DRC7: variants seen among roughly 807,000 people sequenced by gnomAD.
DRC7 encodes dynein regulatory complex subunit 7.
DRC7 carries 80 observed loss-of-function variants against 104.4 expected under a neutral mutation model. The observed-to-expected ratio is 0.77, with a 90% CI of 0.64 to 0.92. The LOEUF (loss-of-function observed/expected upper bound fraction) is 0.92. DRC7 is among the 40% of genes least tolerant of loss of function. The pLI, the probability that DRC7 is intolerant of heterozygous loss-of-function variation, is 0.00. For missense variants in DRC7, 1,034 were observed against 1,141.1 expected, an observed-to-expected ratio of 0.91 and a Z score of 1.35; for synonymous variants, 405 against 447.3, an observed-to-expected ratio of 0.91 and a Z score of 1.19.
Position 57,715,182 on chromosome 16 carries a change from G to A in DRC7, c.1078-3165G>A, listed in dbSNP as rs186059169. ...CTCACCTCAGCCTCCTGAGTAGCTG[G>A]GATTACAGGCATGCACTACCACAAG... On this transcript the variant is annotated intron_variant, in intron 8 of 18. Transcript: ENST00000360716. Among the ~76,000 whole-genome samples the A allele has an allele frequency of 3.1e-3, 477 of 152,186 alleles. 5 individuals carry two copies. The highest frequency in any genetic ancestry group is 4.3e-3 in the Non-Finnish European group (290 of 68,006).
chr16:57,709,033 G>C (rs1362913169), intron 8 of DRC7, among the ~76,000 whole-genome samples: 6 of 151,742 alleles, frequency 4.0e-5, no homozygotes, highest in Non-Finnish European at 5.9e-5. Flanking sequence ...GGAGGCTGAG[G>C]CAGAAGAATT....
intron 7 of DRC7, 33 bp downstream of exon 7, chr16:57,705,067 G>C: frequency 6.2e-7 from 1 of 1,603,188 alleles, no homozygotes; most frequent in Non-Finnish European, 8.5e-7. Context: ...CCTGGGCTCA[G>C]CTATCGAGAA....
At chr16:57,730,456 C>T (rs1029402243) in intron 17 of DRC7, among the ~76,000 whole-genome samples, 2 of 151,874 alleles carry the variant, frequency 1.3e-5, no homozygotes, top group Non-Finnish European at 2.9e-5. Flanking sequence ...AATAGATGGG[C>T]AGATGGCTGG....
intron 7 of DRC7, 113 bp downstream of exon 7, chr16:57,705,147 T>A (rs555033029): frequency 1.5e-5 from 18 of 1,217,576 alleles, no homozygotes; most frequent in Non-Finnish European, 1.9e-5. Flanking sequence ...CCCAACTAGG[T>A]CCACCTCACA....
chr16:57,727,846 T>A (rs762452583), intron 16 of DRC7, among the ~76,000 whole-genome samples: 5 of 152,192 alleles, frequency 3.3e-5, no homozygotes, highest in Non-Finnish European at 7.3e-5. Flanking sequence ...CTGAATCCCT[T>A]TCACCAACCA....
At chr16:57,730,287 G>A (rs2049045913) in intron 17 of DRC7, among the ~76,000 whole-genome samples, 1 of 139,520 alleles carries the variant, frequency 7.2e-6, no homozygotes, top group Admixed American at 7.1e-5. Context: ...ATGAGTGGGT[G>A]GGTGGATGGG....
rs752330277 is a variant in DRC7 at position 57,702,095 on chromosome 16, C to T, written c.664C>T (p.Arg222Trp). The T allele has an allele frequency of 2.0e-5, 33 of 1,614,018 alleles. No homozygotes were observed. In the East Asian group the frequency reaches 2.9e-4, roughly 14 times the overall value. ...SLDLCHMDLT[R>W]EVCPLTVKPK... ...GGACCTGTGCCACATGGACCTGACG[C>T]GGGAGGTGTGCCCACTCACTGTGAA... The change falls in exon 6 of 19, where the codon CGG becomes TGG. Residue 222 changes from arginine (R) to tryptophan (W), a missense_variant. By Grantham distance (101) the Arg-to-Trp change is moderately radical. Transcript: ENST00000360716.
rs751742301 is a variant in DRC7 at position 57,723,115 on chromosome 16, C to A, written c.1522C>A (p.Pro508Thr). The A allele has an allele frequency of 6.2e-7, 1 of 1,613,728 alleles. No homozygotes were observed. Among genetic ancestry groups the A allele is most frequent in the Non-Finnish European group, 8.5e-7 (1 of 1,179,972 alleles). The change falls in exon 12 of 19, where the codon CCC becomes ACC. Residue 508 changes from proline to threonine, a missense_variant. Transcript: ENST00000360716. ...LKTDYFKPGHPQALRVHSYKS... is the reference protein window; with the variant it reads ...LKTDYFKPGHTQALRVHSYKS... The stretch of plus-strand genomic sequence containing the variant: ...GACAGACTACTTCAAGCCTGGCCAC[C>A]CCCAGGCTCTGCGCGGTGCGTGGCT...
chr16:57,701,839 T>C, intron 5 of DRC7, 97 bp from the exon 6 acceptor site: 1 of 1,110,700 alleles, frequency 9.0e-7, no homozygotes, highest in Non-Finnish European at 1.3e-6. Context: ...GCATTGGTCC[T>C]GGCTCCCCAC....
intron 6 of DRC7, 22 bp downstream of exon 6, chr16:57,702,152 C>G (rs1021211260): frequency 6.2e-7 from 1 of 1,611,480 alleles, no homozygotes; most frequent in Non-Finnish European, 8.5e-7. Context: ...CTTGAGCTGC[C>G]CGGGTTTCCC....
chr16:57,722,962 G>A (rs776484638), intron 11 of DRC7, 40 bp from the exon 12 acceptor site: 1 of 1,613,508 alleles, frequency 6.2e-7, no homozygotes, highest in African/African-American at 1.3e-5. Context: ...AAGGCTAGGG[G>A]AGCTGGCCTG....
In DRC7 at chr16:57,705,015, A is replaced by G. The variant is rs539625603; in HGVS notation, c.839A>G (p.Glu280Gly). Residue 280 changes from glutamate to glycine, a missense_variant, in exon 7 of 19, where the codon GAG becomes GGG. By Grantham distance (98) the Glu-to-Gly change is moderately conservative (BLOSUM62 -2). Coordinates refer to ENST00000360716, the MANE Select transcript of DRC7 (RefSeq NM_001289162.2). ...GCCCAGGAGAAGAAGCGGCTGAGGG[A>G]GGAGGAGGAGCGCCTCATGGTGGGT... Reference protein sequence around the residue: ...IRAQEKKRLREEEERLMEAEK... With the variant: ...IRAQEKKRLRGEEERLMEAEK... 32 of 1,612,144 alleles carry G rather than the reference A, an allele frequency of 2.0e-5. No homozygotes were observed. The East Asian group carries it at 6.9e-4, about 35-fold the overall frequency.
At chr16:57,708,066 A>G (rs1180569142) in intron 8 of DRC7, among the ~76,000 whole-genome samples, 4 of 152,206 alleles carry the variant, frequency 2.6e-5, no homozygotes, top group African/African-American at 9.7e-5. Flanking sequence ...CAAACCCCAC[A>G]AAGTCCCTTT....
chr16:57,724,708 C>T lies in DRC7; in HGVS notation c.1631C>T (p.Thr544Ile), dbSNP rs1430305506. Residue 544 changes from threonine to isoleucine, a missense_variant, in exon 13 of 19, where the codon ACA (threonine) becomes ATA (isoleucine). Thr to Ile is a moderately conservative substitution (Grantham distance 89, BLOSUM62 -1). Transcript: ENST00000360716. ...GATGGCCTGATGAAGCGGGAGGAGA[C>T]ACCCAGGACAATGACAGAGTACTAT... ...RVDGLMKREE[T>I]PRTMTEYYQG... 6.2e-7 allele frequency: 1 copy of T among 1,613,884 alleles called. No homozygotes were observed. The highest frequency in any genetic ancestry group is 8.5e-7 in the Non-Finnish European group (1 of 1,179,984).
chr16:57,704,937 T>G lies in DRC7; in HGVS notation c.761T>G (p.Leu254Arg), dbSNP rs2048695988. ...KKYTIKPPRDLCSRFEQEQEV... is the reference protein window; with the variant it reads ...KKYTIKPPRDRCSRFEQEQEV... ...TATACCATCAAACCCCCCAGGGACC[T>G]GTGCAGCAGGTTTGAGCAGGAGCAA... The change falls in exon 7 of 19, where the codon CTG (leucine) becomes CGG (arginine). Residue 254 changes from leucine (L) to arginine (R), a missense_variant. Physicochemically the swap from Leu to Arg is moderately radical, Grantham distance 102. Coordinates refer to ENST00000360716, the MANE Select transcript of DRC7 (RefSeq NM_001289162.2). 1.2e-6 allele frequency: 2 copies of G among 1,613,832 alleles called. No individual in the cohort carries two copies. The highest frequency in any genetic ancestry group is 1.7e-6 in the Non-Finnish European group (2 of 1,179,942).
In DRC7 at chr16:57,702,117, T is replaced by G. The variant is rs761374241; in HGVS notation, c.686T>G (p.Val229Gly). 5.0e-6 allele frequency: 8 copies of G among 1,614,020 alleles called. No individual in the cohort carries two copies. Among genetic ancestry groups the G allele is most frequent in the Non-Finnish European group, 5.1e-6 (6 of 1,180,028 alleles). The stretch of plus-strand genomic sequence containing the variant: ...ACGCGGGAGGTGTGCCCACTCACTG[T>G]GAAGCCCAAGGAGGTATGGTCGGGC... ...DLTREVCPLT[V>G]KPKETIKKEE... is the part of the protein sequence containing the mutation. Residue 229 changes from valine (V) to glycine (G), a missense_variant, in exon 6 of 19, where the codon GTG (valine) becomes GGG (glycine). Physicochemically the swap from Val to Gly is moderately radical, Grantham distance 109. Transcript: ENST00000360716.
rs1411284446 is a variant in DRC7, at chr16:57,707,822, T to C, written c.1077+144T>C. ...AACCTTCTCCATAGCTGCGTCTCCA[T>C]GGCCCACTCCCTTGCCCATGAATAA... On this transcript the variant is annotated intron_variant, in intron 8 of 18. Coordinates refer to ENST00000360716, the MANE Select transcript of DRC7 (RefSeq NM_001289162.2). 4.3e-6 allele frequency: 3 copies of C among 691,008 alleles called. No homozygotes were observed. In the African/African-American group the frequency reaches 5.2e-5, roughly 12 times the overall value. 42.8% of individuals were successfully genotyped at this position (691,008 alleles called of 1,614,324 possible).
chr16:57,705,508 C>G (rs2048703997), intron 7 of DRC7, among the ~76,000 whole-genome samples: 1 of 148,706 alleles, frequency 6.7e-6, no homozygotes, highest in Non-Finnish European at 1.5e-5. Flanking sequence ...TCCTACCCAA[C>G]CTTCCATCCA....
chr16:57,716,812 G>T (rs535220224), intron 8 of DRC7, among the ~76,000 whole-genome samples: 17 of 152,228 alleles, frequency 1.1e-4, no homozygotes, highest in African/African-American at 2.4e-4. Flanking sequence ...ACATGATTTA[G>T]GGTGGGGAGA....
Sources: allele counts gnomAD v4.1 joint callset (sites outside exome capture counted in the v4.1 genomes callset), GRCh38; gene constraint gnomAD v4.1.1; transcripts MANE v1.5; gene names NCBI Gene and HGNC (gene_info 2026-07-23, HGNC 2026-07-21).